RAD54L2: variants seen among roughly 807,000 people sequenced by gnomAD.
RAD54L2 encodes the protein RAD54 like 2.
RAD54L2 carries 27 observed loss-of-function variants against 138.4 expected under a neutral mutation model. The ratio of observed to expected loss-of-function variants is 0.20; its 90% CI spans 0.14 to 0.27. The LOEUF (loss-of-function observed/expected upper bound fraction) is 0.27, where lower values mean the gene tolerates loss of function less well. Among genes scored for constraint, RAD54L2 ranks in the 10% least tolerant of loss-of-function variants. The probability of loss-of-function intolerance (pLI) is 1.00; values close to 1 mark genes in which losing one functional copy is unlikely to be tolerated. For missense variants in RAD54L2, 1,396 were observed against 1,890.2 expected (o/e 0.74, Z 4.85); for synonymous variants, 644 against 723.2 (o/e 0.89, Z 1.76).
chr3:51,621,927 A>G (rs1174347559), intron 3 of RAD54L2, among the ~76,000 whole-genome samples: 2 of 152,074 alleles, frequency 1.3e-5, no homozygotes, highest in Admixed American at 6.6e-5. Context: ...TGCCCAGCCA[A>G]CTGTTTGGGA....
chr3:51,618,199 G>A lies in RAD54L2; in HGVS notation c.140-9354G>A, dbSNP rs964682346. 9.6e-4 allele frequency among the ~76,000 whole-genome samples: 143 copies of A among 148,732 alleles called. 2 individuals carry two copies. The highest frequency in any genetic ancestry group is 3.2e-3 in the African/African-American group (127 of 40,250). On this transcript the variant is annotated intron_variant, in intron 3 of 22. Transcript: ENST00000684192. ...CCATGTTAGTAGCCAGGATGGTCTC[G>A]CTCTCCTGACCTCGTGATCTGCCTG...
chr3:51,560,125 C>G (rs1699064201), intron 2 of RAD54L2, among the ~76,000 whole-genome samples: 1 of 150,572 alleles, frequency 6.6e-6, no homozygotes, highest in South Asian at 2.1e-4. Flanking sequence ...GAGCTCCCAC[C>G]CCATGATATA....
At chr3:51,635,491 A>G in intron 9 of RAD54L2, 102 bp from the exon 10 acceptor site, 1 of 1,290,292 alleles carries the variant, frequency 7.8e-7, no homozygotes, top group Non-Finnish European at 1.1e-6. Context: ...ATGTACATCA[A>G]CACAGCTTTG....
chr3:51,600,687 C>T (rs1456190757), intron 3 of RAD54L2, among the ~76,000 whole-genome samples: 3 of 152,138 alleles, frequency 2.0e-5, no homozygotes, highest in African/African-American at 7.2e-5. Flanking sequence ...TATTTTGAGG[C>T]TGGGTGCGGT....
chr3:51,564,516 T>C (rs1699168699), intron 2 of RAD54L2, among the ~76,000 whole-genome samples: 3 of 152,344 alleles, frequency 2.0e-5, no homozygotes, highest in Admixed American at 6.5e-5. Context: ...GGGGAGCTCT[T>C]GGGGTCTGCC....
At chr3:51,622,832 T>C (rs1323271424) in intron 3 of RAD54L2, among the ~76,000 whole-genome samples, 1 of 152,076 alleles carries the variant, frequency 6.6e-6, no homozygotes, top group Non-Finnish European at 1.5e-5. Context: ...AGGAAAGTGG[T>C]TGTTGGGTTG....
At chr3:51,627,799 T>A (rs1476240388) in intron 4 of RAD54L2, 45 bp downstream of exon 4, 1 of 1,597,672 alleles carries the variant, frequency 6.3e-7, no homozygotes, top group South Asian at 1.1e-5. Context: ...GAATAGAGAT[T>A]TTACCTTCAT....
chr3:51,615,262 G>A (rs537585498), intron 3 of RAD54L2, among the ~76,000 whole-genome samples: 177 of 152,168 alleles, frequency 1.2e-3, no homozygotes, highest in African/African-American at 4.2e-3. Context: ...TGATCCACCC[G>A]CCTTGGCCTC....
intron 2 of RAD54L2, among the ~76,000 whole-genome samples, chr3:51,585,982 T>C (rs1326084436): frequency 6.6e-6 from 1 of 152,086 alleles, no homozygotes; most frequent in South Asian, 2.1e-4. Flanking sequence ...GAGGAGCAAA[T>C]GAGGGAGATG....
intron 3 of RAD54L2, among the ~76,000 whole-genome samples, chr3:51,603,420 A>G (rs574766942): frequency 1.8e-4 from 27 of 152,274 alleles, no homozygotes; most frequent in African/African-American, 6.5e-4. Context: ...AGCCTGGCCA[A>G]CAAGGTGAAA....
In RAD54L2 at chr3:51,645,015, C is replaced by T. The variant is rs759073406; in HGVS notation, c.2451-9C>T. 6.2e-7 allele frequency: 1 copy of T among 1,612,918 alleles called. No homozygotes were observed. The highest frequency in any genetic ancestry group is 1.3e-5 in the African/African-American group (1 of 75,020). ...AAAGGCTCTGTGATTGTTGGCTTGT[C>T]TTTTAAAGGGCCGGATGCTTGGGTG... On this transcript the variant is annotated splice_polypyrimidine_tract_variant and intron_variant, in intron 16 of 22. Transcript: ENST00000684192. This position sits in a 1 kb window ranked among gnomAD's most constrained non-coding sequence, Gnocchi z 6.1.
intron 3 of RAD54L2, among the ~76,000 whole-genome samples, chr3:51,594,972 C>T (rs1699930294): frequency 7.3e-6 from 1 of 137,720 alleles, no homozygotes; most frequent in African/African-American, 2.7e-5. Context: ...TCAAGCGATT[C>T]TCCTGCCTCA....
At chr3:51,572,140 G>A (rs1035036162) in intron 2 of RAD54L2, among the ~76,000 whole-genome samples, 1 of 152,122 alleles carries the variant, frequency 6.6e-6, no homozygotes, top group African/African-American at 2.4e-5. Flanking sequence ...ATATGTAACC[G>A]TGATTGGTTA....
At chr3:51,627,789 G>T in intron 4 of RAD54L2, 35 bp downstream of exon 4, 3 of 1,606,344 alleles carry the variant, frequency 1.9e-6, no homozygotes, top group South Asian at 1.1e-5. Context: ...AGAGGGAAAG[G>T]AATAGAGATT....
Position 51,663,315 on chromosome 3 carries a change from G to A in RAD54L2, c.4299G>A (p.Arg1433=), listed in dbSNP as rs145962096. 3 of 1,613,786 alleles carry A rather than the reference G, an allele frequency of 1.9e-6. No homozygotes were observed. Among genetic ancestry groups the A allele is most frequent in the Non-Finnish European group, 2.5e-6 (3 of 1,179,884 alleles). Residue 1433 remains arginine, a synonymous_variant, in exon 23 of 23, where the codon CGG becomes CGA. Transcript: ENST00000684192. ...HAGYPAGGLL[R]SQVPPFDSHE... Reference sequence around the variant, plus strand: ...GCTACCCAGCTGGTGGCCTCCTACGGTCCCAGGTGCCTCCATTTGACTCTC... The same window carrying A: ...GCTACCCAGCTGGTGGCCTCCTACGATCCCAGGTGCCTCCATTTGACTCTC...
chr3:51,600,064 G>T (rs908609905), intron 3 of RAD54L2, among the ~76,000 whole-genome samples: 2 of 152,074 alleles, frequency 1.3e-5, no homozygotes, highest in African/African-American at 2.4e-5. Context: ...AAGTAGCTGG[G>T]ACTGACTATG....
intron 2 of RAD54L2, among the ~76,000 whole-genome samples, chr3:51,589,138 G>GT (rs2106706831): frequency 6.6e-6 from 1 of 152,260 alleles, no homozygotes; most frequent in East Asian, 1.9e-4. Context: ...TAAATGCATC[G>GT]TAAGTTGAAA....
rs761267286 is a variant in RAD54L2, at chr3:51,638,213, C to T, written c.1752C>T (p.Ser584=). 12 of 1,613,868 alleles carry T rather than the reference C, an allele frequency of 7.4e-6. No homozygotes were observed. In the South Asian group the frequency reaches 8.8e-5, roughly 12 times the overall value. ...AAAATGTGATCCTTGTGCGGCTCTC[C>T]AAGATCCAGCGAGATTTGTATACAC... The part of the protein sequence containing the change: ...KEENVILVRL[S]KIQRDLYTQF... The change falls in exon 12 of 23, where the codon TCC becomes TCT. Residue 584 remains serine (S), a synonymous_variant. Coordinates refer to ENST00000684192, the MANE Select transcript of RAD54L2 (RefSeq NM_015106.4). This position sits in a 1 kb window ranked among gnomAD's most constrained non-coding sequence, Gnocchi z 4.3.
rs548520696 is a variant in RAD54L2 at position 51,659,307 on chromosome 3, G to A, written c.3317-719G>A. Reference sequence around the variant, plus strand: ...TTTTTAGTAGAGATGGGGTTTCACCGTGTTAGCCAGGATGGTCTCAATCTC... The same window carrying A: ...TTTTTAGTAGAGATGGGGTTTCACCATGTTAGCCAGGATGGTCTCAATCTC... On this transcript the variant is annotated intron_variant, in intron 21 of 22. Transcript: ENST00000684192. Among the ~76,000 whole-genome samples the A allele has an allele frequency of 6.6e-5, 10 of 151,944 alleles. No individual in the cohort carries two copies. The East Asian group carries it at 9.7e-4, about 15-fold the overall frequency.
Sources: gnomAD v4.1 joint callset for allele counts (sites outside exome capture counted in the v4.1 genomes callset) on GRCh38, gnomAD v4.1.1 for gene constraint, Gnocchi (gnomAD v3.1) non-coding constraint, MANE v1.5 for transcripts, NCBI Gene and HGNC (gene_info 2026-07-23, HGNC 2026-07-21) for gene names.